The following KHDRBS2 variants were observed in gnomAD, a reference collection of about 807,000 sequenced individuals.
KHDRBS2 encodes the protein KH RNA binding domain containing, signal transduction associated 2.
Under a neutral mutation model 44.3 loss-of-function variants are expected in KHDRBS2, and 26 were observed. The observed-to-expected ratio is 0.59, with a 90% CI of 0.43 to 0.81. The LOEUF (loss-of-function observed/expected upper bound fraction) is 0.81. Ranked by LOEUF, KHDRBS2 falls within the 40% of genes least tolerant of loss-of-function variation. The pLI is 0.00. For synonymous variants in KHDRBS2, 194 were observed against 151.1 expected (o/e 1.28, Z -2.08); for missense variants, 476 against 433.1 (o/e 1.10, Z -0.88).
At chr6:62,016,620 T>C (rs1162965126) in intron 3 of KHDRBS2, among the ~76,000 whole-genome samples, 1 of 149,164 alleles carries the variant, frequency 6.7e-6, no homozygotes, top group East Asian at 1.9e-4. Flanking sequence ...AGGTATAATA[T>C]ATATACTTGG....
At chr6:61,555,084 A>G in the KHDRBS2 span, among the ~76,000 whole-genome samples, 1 of 152,110 alleles carries the variant, frequency 6.6e-6, no homozygotes, top group Non-Finnish European at 1.5e-5. Context: ...CATGAATAAT[A>G]ACCTGAAATA....
chr6:61,626,185 C>T, the KHDRBS2 span, among the ~76,000 whole-genome samples: 6 of 152,138 alleles, frequency 3.9e-5, no homozygotes, highest in Admixed American at 3.9e-4. Context: ...AAAGGTTGAA[C>T]AATAAATAGC....
At chr6:62,193,835 T>C (rs1445936717) in intron 1 of KHDRBS2, among the ~76,000 whole-genome samples, 1 of 152,128 alleles carries the variant, frequency 6.6e-6, no homozygotes, top group Non-Finnish European at 1.5e-5. Flanking sequence ...CCAATGAAGT[T>C]GAGCACATAT....
the KHDRBS2 span, among the ~76,000 whole-genome samples, chr6:61,661,835 T>C: frequency 1.3e-5 from 2 of 152,008 alleles, no homozygotes; most frequent in South Asian, 2.1e-4. Flanking sequence ...AGGTAATTTA[T>C]AGATTCAATG....
intron 1 of KHDRBS2, among the ~76,000 whole-genome samples, chr6:62,209,836 A>T (rs951763829): frequency 1.3e-5 from 2 of 152,126 alleles, no homozygotes. Context: ...TCATACTCCA[A>T]GTTCTTTAGC....
chr6:62,182,947 T>C (rs1425988196), intron 1 of KHDRBS2, among the ~76,000 whole-genome samples: 1 of 151,870 alleles, frequency 6.6e-6, no homozygotes, highest in African/African-American at 2.4e-5. Flanking sequence ...ATCTTTACCT[T>C]GTCAAGTTAC....
At chr6:61,736,091 T>TTTTC (rs771730500) in intron 6 of KHDRBS2, among the ~76,000 whole-genome samples, 4 of 151,712 alleles carry the variant, frequency 2.6e-5, no homozygotes, top group East Asian at 1.9e-4. Context: ...TCTCCATTTT[T>TTTTC]TTTCTTTCTT....
chr6:61,673,511 A>T, the KHDRBS2 span, among the ~76,000 whole-genome samples: 1 of 148,918 alleles, frequency 6.7e-6, no homozygotes, highest in Non-Finnish European at 1.5e-5. Flanking sequence ...ACATGATTGT[A>T]TATCTAGAAA....
intron 2 of KHDRBS2, among the ~76,000 whole-genome samples, chr6:62,072,326 C>A (rs139966237): frequency 6.6e-6 from 1 of 152,078 alleles, no homozygotes; most frequent in African/African-American, 2.4e-5. Context: ...AATTGAATAT[C>A]CTTTTATTTC....
At chr6:61,543,637 G>T in the KHDRBS2 span, among the ~76,000 whole-genome samples, 3 of 149,572 alleles carry the variant, frequency 2.0e-5, no homozygotes, top group African/African-American at 7.4e-5. Flanking sequence ...GTATATAGAA[G>T]AGATATCTAC....
chr6:62,188,304 C>T (rs934900473), intron 1 of KHDRBS2, among the ~76,000 whole-genome samples: 1 of 152,096 alleles, frequency 6.6e-6, no homozygotes. Flanking sequence ...GCAACAATTC[C>T]TACTTCTCCC....
chr6:61,567,523 CT>C, the KHDRBS2 span, among the ~76,000 whole-genome samples: 1 of 152,156 alleles, frequency 6.6e-6, no homozygotes, highest in East Asian at 1.9e-4. Flanking sequence ...CACCTGTGGT[CT>C]TAGCTACTCT....
At chr6:62,244,789 C>A (rs1161466509) in intron 1 of KHDRBS2, among the ~76,000 whole-genome samples, 1 of 152,030 alleles carries the variant, frequency 6.6e-6, no homozygotes, top group East Asian at 1.9e-4. Flanking sequence ...TAGAATGTCA[C>A]CTCTAAGGAA....
chr6:61,840,278 T>A (rs549853629), intron 6 of KHDRBS2, among the ~76,000 whole-genome samples: 8 of 152,212 alleles, frequency 5.3e-5, no homozygotes, highest in African/African-American at 1.7e-4. Context: ...ATAATAACTT[T>A]TGCATCACAA....
the KHDRBS2 span, among the ~76,000 whole-genome samples, chr6:61,643,415 ACT>A: frequency 3.6e-4 from 55 of 152,148 alleles, 1 homozygote; most frequent in African/African-American, 1.3e-3. Context: ...ACAAGGATGC[ACT>A]CTCTCACCAC....
At chr6:61,569,939 C>T in the KHDRBS2 span, among the ~76,000 whole-genome samples, 14 of 152,174 alleles carry the variant, frequency 9.2e-5, no homozygotes, top group African/African-American at 3.1e-4. Context: ...GCCTTGAGTT[C>T]CAGACCTTTC....
intron 1 of KHDRBS2, 121 bp from the exon 2 acceptor site, chr6:62,177,433 G>T: frequency 1.3e-6 from 1 of 769,196 alleles, no homozygotes; most frequent in Non-Finnish European, 2.0e-6. Context: ...AGATTTTGAT[G>T]AATATTGATA....
At chr6:61,802,468 A>G (rs1393184877) in intron 6 of KHDRBS2, among the ~76,000 whole-genome samples, 1 of 152,198 alleles carries the variant, frequency 6.6e-6, no homozygotes, top group Non-Finnish European at 1.5e-5. Context: ...AATGCAAAAC[A>G]CAGCACTATT....
At chr6:61,775,123 G>T (rs937248316) in intron 6 of KHDRBS2, among the ~76,000 whole-genome samples, 1 of 152,036 alleles carries the variant, frequency 6.6e-6, no homozygotes, top group Non-Finnish European at 1.5e-5. Flanking sequence ...AATAAATTAG[G>T]TATGGATGGG....
Sources: gnomAD v4.1 joint callset for allele counts (sites outside exome capture counted in the v4.1 genomes callset) on GRCh38, gnomAD v4.1.1 for gene constraint, MANE v1.5 for transcripts, NCBI Gene and HGNC (gene_info 2026-07-23, HGNC 2026-07-21) for gene names.